Variants in MYO16 observed in about 807,000 individuals in gnomAD.
MYO16 encodes the protein unconventional myosin-XVI.
A neutral mutation model predicts 205.3 loss-of-function variants in MYO16; 94 were observed. The ratio of observed to expected loss-of-function variants is 0.46; its 90% confidence interval spans 0.39 to 0.54. The LOEUF (loss-of-function observed/expected upper bound fraction) is 0.54. Ranked by LOEUF, MYO16 falls within the 20% of genes least tolerant of loss-of-function variation. The probability of loss-of-function intolerance (pLI) is 0.00; values close to 1 mark genes in which losing one functional copy is unlikely to be tolerated. For missense variants in MYO16, 2,315 were observed against 2,387.5 expected (o/e 0.97, Z 0.63); for synonymous variants, 988 against 954.0 (o/e 1.04, Z -0.66).
chr13:109,179,361 C>T (rs1379866211), intron 33 of MYO16, among the ~76,000 whole-genome samples, 181 bp from the exon 34 acceptor site: 1 of 152,214 alleles, frequency 6.6e-6, no homozygotes, highest in Non-Finnish European at 1.5e-5. Flanking sequence ...CTAAATGAAG[C>T]TGCCACAATA....
At chr13:109,009,485 A>G (rs892547796) in intron 22 of MYO16, among the ~76,000 whole-genome samples, 24 of 152,210 alleles carry the variant, frequency 1.6e-4, no homozygotes, top group African/African-American at 5.5e-4. Context: ...ATAAACACAT[A>G]TATAATGTCG....
At chr13:108,562,168 G>C in the MYO16 span, among the ~76,000 whole-genome samples, 36 of 152,184 alleles carry the variant, frequency 2.4e-4, no homozygotes, top group African/African-American at 8.4e-4. Context: ...TTTCTGGTGA[G>C]GGTCCTCTTC....
chr13:109,042,558 C>T (rs1257986714), intron 23 of MYO16, among the ~76,000 whole-genome samples: 4 of 152,282 alleles, frequency 2.6e-5, no homozygotes, highest in Non-Finnish European at 4.4e-5. Flanking sequence ...TAACAATCCA[C>T]GAATGCCAAT....
At chr13:108,669,265 A>T (rs1025555809) in intron 2 of MYO16, among the ~76,000 whole-genome samples, 2 of 152,032 alleles carry the variant, frequency 1.3e-5, no homozygotes, top group African/African-American at 4.8e-5. Flanking sequence ...AAGGAGGAGA[A>T]ATTTTTATTG....
intron 2 of MYO16, among the ~76,000 whole-genome samples, chr13:108,682,646 G>A (rs916257555): frequency 1.3e-5 from 2 of 152,168 alleles, no homozygotes; most frequent in African/African-American, 2.4e-5. Context: ...GGAGAGAGAT[G>A]TAGACAAAAA....
chr13:108,680,661 A>G (rs1882424382), intron 2 of MYO16, among the ~76,000 whole-genome samples: 1 of 152,220 alleles, frequency 6.6e-6, no homozygotes, highest in African/African-American at 2.4e-5. Context: ...ACATGGAGAA[A>G]TTGGTCTTAC....
chr13:109,074,613 G>A (rs1418339823), intron 27 of MYO16, among the ~76,000 whole-genome samples: 1 of 151,948 alleles, frequency 6.6e-6, no homozygotes, highest in African/African-American at 2.4e-5. Context: ...TCAACATCAG[G>A]GGAACAGCAT....
intron 14 of MYO16, among the ~76,000 whole-genome samples, chr13:108,897,063 A>G (rs1880454975): frequency 6.6e-6 from 1 of 152,166 alleles, no homozygotes; most frequent in South Asian, 2.1e-4. Flanking sequence ...AAAGTAGGAT[A>G]GTGTTCTCAA....
At chr13:108,501,378 C>T in the MYO16 span, among the ~76,000 whole-genome samples, 2 of 152,158 alleles carry the variant, frequency 1.3e-5, no homozygotes, top group Non-Finnish European at 2.9e-5. Flanking sequence ...TCTCCTCTGC[C>T]GGTAACCCCG....
chr13:108,668,297 T>C (rs537243850), intron 2 of MYO16, among the ~76,000 whole-genome samples: 3 of 152,120 alleles, frequency 2.0e-5, no homozygotes, highest in Non-Finnish European at 2.9e-5. Context: ...AGGCAAGAGA[T>C]GATGGTGGCT....
At chr13:109,014,697 G>T (rs190729076) in intron 22 of MYO16, among the ~76,000 whole-genome samples, 2 of 152,226 alleles carry the variant, frequency 1.3e-5, no homozygotes, top group African/African-American at 2.4e-5. Flanking sequence ...CTTATAAGTT[G>T]GATTCCTAGG....
At chr13:108,805,517 C>T (rs1233217461) in intron 6 of MYO16, among the ~76,000 whole-genome samples, 1 of 152,018 alleles carries the variant, frequency 6.6e-6, no homozygotes, top group East Asian at 1.9e-4. Context: ...TGCTATCAAA[C>T]CTAGAAGATG....
At chr13:108,895,357 CCA>C (rs1467203457) in intron 14 of MYO16, among the ~76,000 whole-genome samples, 22 of 152,118 alleles carry the variant, frequency 1.4e-4, no homozygotes, top group African/African-American at 4.1e-4. Context: ...CGGAATAATG[CCA>C]GTTTTGTTTA....
At chr13:109,035,395 C>A (rs574012668) in intron 23 of MYO16, among the ~76,000 whole-genome samples, 1 of 152,192 alleles carries the variant, frequency 6.6e-6, no homozygotes, top group South Asian at 2.1e-4. Context: ...ATTTAAAATG[C>A]ACTGTAGGCC....
At chr13:108,889,330 A>T (rs775015208) in intron 14 of MYO16, among the ~76,000 whole-genome samples, 1 of 152,226 alleles carries the variant, frequency 6.6e-6, no homozygotes, top group Non-Finnish European at 1.5e-5. Flanking sequence ...AGGAGGAAGC[A>T]AAAAGACCTG....
chr13:108,742,605 T>A (rs1884944193), intron 4 of MYO16, among the ~76,000 whole-genome samples: 1 of 152,130 alleles, frequency 6.6e-6, no homozygotes, highest in Non-Finnish European at 1.5e-5. Context: ...TTCTAGTTTT[T>A]AAAAAAACAA....
intron 20 of MYO16, among the ~76,000 whole-genome samples, chr13:108,982,258 GCTAA>G (rs1427623163): frequency 1.2e-4 from 18 of 152,194 alleles, no homozygotes; most frequent in African/African-American, 3.9e-4. Flanking sequence ...CAGGGGCGTG[GCTAA>G]CTATGTGTGG....
intron 16 of MYO16, among the ~76,000 whole-genome samples, chr13:108,934,988 T>G (rs1882416020): frequency 6.6e-6 from 1 of 152,142 alleles, no homozygotes; most frequent in Non-Finnish European, 1.5e-5. Context: ...TATGTGTCTG[T>G]TTTTGTACCA....
intron 22 of MYO16, among the ~76,000 whole-genome samples, chr13:109,017,865 TA>T (rs58216179): frequency 0.16 from 24,981 of 152,116 alleles, 2,185 homozygotes; most frequent in East Asian, 0.24. Context: ...GCCATTCGTC[TA>T]ATCTTTTTTC....
Sources: gnomAD v4.1 joint callset for allele counts (sites outside exome capture counted in the v4.1 genomes callset) on GRCh38, gnomAD v4.1.1 for gene constraint, MANE v1.5 for transcripts, NCBI Gene and HGNC (gene_info 2026-07-23, HGNC 2026-07-21) for gene names.